The following CYP2F1 variants were observed in gnomAD, a reference collection of about 807,000 sequenced individuals.
The protein encoded by CYP2F1 is cytochrome P450 family 2 subfamily F member 1.
A neutral mutation model predicts 40.4 loss-of-function variants in CYP2F1; 33 were observed. That is an observed-to-expected ratio of 0.82 (90% CI 0.62 to 1.09). CYP2F1 has a LOEUF of 1.09. Ranked by LOEUF, CYP2F1 falls within the 50% of genes least tolerant of loss-of-function variation. The pLI is 0.00. For synonymous variants in CYP2F1, 235 were observed against 277.2 expected (o/e 0.85, Z 1.51); for missense variants, 566 against 655.7 (o/e 0.86, Z 1.49).
At chr19:41,125,701 G>A in intron 9 of CYP2F1, 67 bp downstream of exon 9, 2 of 1,613,950 alleles carry the variant, frequency 1.2e-6, no homozygotes, top group Non-Finnish European at 1.7e-6. Flanking sequence ...AATTCCACTT[G>A]CCAAATCCTC....
chr19:41,127,663 G>A (rs577517958), intron 9 of CYP2F1, among the ~76,000 whole-genome samples: 22 of 152,204 alleles, frequency 1.4e-4, no homozygotes, highest in African/African-American at 4.6e-4. Flanking sequence ...TATCCAGAAC[G>A]TGTGGTTTGT....
Position 41,120,431 on chromosome 19 carries a change from G to C in CYP2F1, c.419G>C (p.Arg140Thr). The change falls in exon 4 of 10, where the codon AGA (arginine) becomes ACA (threonine). Residue 140 changes from arginine to threonine, a missense_variant. Transcript: ENST00000331105. Reference protein sequence around the residue: ...QILRNFGMGKRSIEERILEEG... With the variant: ...QILRNFGMGKTSIEERILEEG... ...CTACGGAATTTCGGGATGGGGAAGAGAAGCATTGAGGAGCGAATCCTAGAG... is the reference window on the plus strand; with the variant it reads ...CTACGGAATTTCGGGATGGGGAAGACAAGCATTGAGGAGCGAATCCTAGAG... The C allele has an allele frequency of 6.2e-7, 1 of 1,614,120 alleles. No individual in the cohort carries two copies. The highest frequency in any genetic ancestry group is 8.5e-7 in the Non-Finnish European group (1 of 1,179,996).
intron 2 of CYP2F1, 26 bp from the exon 3 acceptor site, chr19:41,116,428 CT>C (rs752465443): frequency 1.9e-6 from 3 of 1,607,804 alleles, no homozygotes; most frequent in East Asian, 2.2e-5. Context: ...ACAGGCCCCC[CT>C]GTAACTTCTG....
intron 7 of CYP2F1, among the ~76,000 whole-genome samples, chr19:41,124,382 G>A (rs962351121): frequency 6.8e-6 from 1 of 147,492 alleles, no homozygotes; most frequent in African/African-American, 2.5e-5. Flanking sequence ...TCCTGCCTCA[G>A]CCTCCCAAGC....
Position 41,124,878 on chromosome 19 carries a change from C to T in CYP2F1, c.1124C>T (p.Thr375Met), listed in dbSNP as rs138507242. ...MNLPHRVTRD[T>M]AFRGFLIPKG... Reference sequence around the variant, plus strand: ...TTGCCGCACCGCGTCACTAGGGACACGGCCTTTCGCGGCTTCCTGATACCC... The same window carrying T: ...TTGCCGCACCGCGTCACTAGGGACATGGCCTTTCGCGGCTTCCTGATACCC... The change falls in exon 8 of 10, where the codon ACG (threonine) becomes ATG (methionine). Residue 375 changes from threonine to methionine, a missense_variant. By Grantham distance (81) the Thr-to-Met change is moderately conservative (BLOSUM62 -1). This residue lies in a region of CYP2F1 where 128 missense variants were observed against 121.0 expected (regional missense o/e 1.06). Coordinates refer to ENST00000331105, the MANE Select transcript of CYP2F1 (RefSeq NM_000774.5). 5.1e-4 allele frequency: 823 copies of T among 1,608,002 alleles called. 2 individuals carry two copies. The highest frequency in any genetic ancestry group is 5.5e-4 in the Non-Finnish European group (647 of 1,178,750).
In CYP2F1 at chr19:41,119,742, T is replaced by C. The variant is rs1394772912; in HGVS notation, c.335-605T>C. Among the ~76,000 whole-genome samples, 483 of 71,422 alleles carry C rather than the reference T, an allele frequency of 6.8e-3. 4 individuals carry two copies. Among genetic ancestry groups the C allele is most frequent in the Middle Eastern group, 0.019 (3 of 154 alleles). The allele number at this position is 71,422 out of a possible 152,430, so 46.9% of individuals were successfully genotyped here. ...CTCTCTCTATATATATATATATATA[T>C]ATATATACACACACACACACACACA... On this transcript the variant is annotated intron_variant, in intron 3 of 9. Coordinates refer to ENST00000331105, the MANE Select transcript of CYP2F1 (RefSeq NM_000774.5).
chr19:41,120,366 G>A lies in CYP2F1; in HGVS notation c.354G>A (p.Gly118=), dbSNP rs139705553. ...TKGNGIAFSS[G]DRWKVLRQFS... Reference sequence around the variant, plus strand: ...CCCCAGGCATCGCCTTCTCCAGTGGGGATCGATGGAAGGTCCTGAGACAGT... The same window carrying A: ...CCCCAGGCATCGCCTTCTCCAGTGGAGATCGATGGAAGGTCCTGAGACAGT... The change falls in exon 4 of 10, where the codon GGG becomes GGA. Residue 118 remains glycine (G), a synonymous_variant. Coordinates refer to ENST00000331105, the MANE Select transcript of CYP2F1 (RefSeq NM_000774.5). The A allele has an allele frequency of 3.7e-6, 6 of 1,608,544 alleles. No homozygotes were observed. The highest frequency in any genetic ancestry group is 5.1e-6 in the Non-Finnish European group (6 of 1,178,084).
intron 3 of CYP2F1, among the ~76,000 whole-genome samples, chr19:41,118,032 T>C (rs2031927267): frequency 1.3e-5 from 2 of 151,976 alleles, no homozygotes; most frequent in South Asian, 4.1e-4. Flanking sequence ...GTATTTTTAG[T>C]AGAGACTGGG....
chr19:41,125,539 G>A lies in CYP2F1; in HGVS notation c.1199G>A (p.Ser400Asn). ...CTTAACACCGTCCACTACGACCCCA[G>A]CCAGTTCCTGACGCCCCAGGAGTTC... ...TLLNTVHYDP[S>N]QFLTPQEFNP... is the part of the protein sequence containing the mutation. Residue 400 changes from serine (S) to asparagine (N), a missense_variant, in exon 9 of 10, where the codon AGC becomes AAC. Physicochemically the swap from Ser to Asn is conservative, Grantham distance 46. Transcript: ENST00000331105. The A allele has an allele frequency of 6.3e-7, 1 of 1,598,486 alleles. No individual in the cohort carries two copies.
intron 6 of CYP2F1, among the ~76,000 whole-genome samples, chr19:41,122,595 C>T (rs916698377): frequency 2.0e-5 from 3 of 151,856 alleles, no homozygotes; most frequent in Admixed American, 2.0e-4. Flanking sequence ...ATACATAAAA[C>T]GTATTTTTTA....
In CYP2F1 at chr19:41,120,496, G is replaced by A. The variant is rs2032131304; in HGVS notation, c.484G>A (p.Gly162Ser). 1 of 1,612,060 alleles carries A rather than the reference G, an allele frequency of 6.2e-7. No homozygotes were observed. The highest frequency in any genetic ancestry group is 1.3e-5 in the African/African-American group (1 of 74,786). Residue 162 changes from glycine (G) to serine (S), a missense_variant and splice_region_variant, in exon 4 of 10, where the codon GGC (glycine) becomes AGC (serine). By Grantham distance (56) the Gly-to-Ser change is moderately conservative. Around this residue, in one of 5 missense-constraint regions of CYP2F1, gnomAD observed 264 missense variants for 275.7 expected, o/e 0.96. Transcript: ENST00000331105. The part of the protein sequence containing the change: ...FLLAELRKTE[G>S]EPFDPTFVLS... ...GCTGGCGGAGCTGCGGAAAACTGAA[G>A]GTCAGGAATTTTTTTTAACAGGCTG...
intron 9 of CYP2F1, among the ~76,000 whole-genome samples, chr19:41,127,622 G>T (rs1182583651): frequency 2.0e-5 from 3 of 152,276 alleles, no homozygotes; most frequent in East Asian, 3.9e-4. Flanking sequence ...GCCTAAGCCA[G>T]CACGCCCAGC....
chr19:41,121,131 T>C (rs1265940986), intron 4 of CYP2F1, among the ~76,000 whole-genome samples: 1 of 152,104 alleles, frequency 6.6e-6, no homozygotes, highest in East Asian at 1.9e-4. Context: ...TCTGTTGCCC[T>C]GTGTTGTTGT....
chr19:41,128,241 T>C lies in CYP2F1; in HGVS notation c.*159T>C. The C allele has an allele frequency of 1.5e-6, 1 of 656,606 alleles. No homozygotes were observed. The highest frequency in any genetic ancestry group is 2.5e-6 in the Non-Finnish European group (1 of 399,740). The allele number at this position is 656,606 out of a possible 1,614,324, so 40.7% of individuals were successfully genotyped here. A position where few individuals can be genotyped will look rare whatever the true frequency, so the allele number is the denominator to read the frequency against. On this transcript the variant is annotated 3_prime_UTR_variant, in exon 10 of 10. Transcript: ENST00000331105. ...GCGTGCCCTTCCCCCATCCCTCCAA[T>C]CTGTGCCCCGTCTGCAGGGCAGAGG...
chr19:41,121,647 G>A (rs375089944), intron 5 of CYP2F1, 29 bp downstream of exon 5: 2 of 1,591,960 alleles, frequency 1.3e-6, no homozygotes, highest in East Asian at 2.2e-5. Context: ...GCAGGGGCAG[G>A]GTGTGGGGTC....
chr19:41,116,730 T>A, intron 3 of CYP2F1, 113 bp downstream of exon 3: 1 of 1,206,780 alleles, frequency 8.3e-7, no homozygotes, highest in Non-Finnish European at 1.2e-6. Flanking sequence ...CTGACATCAC[T>A]GATGACACCA....
In CYP2F1 at chr19:41,117,080, C is replaced by T. The variant is rs545230961; in HGVS notation, c.334+463C>T. On this transcript the variant is annotated intron_variant, in intron 3 of 9. Transcript: ENST00000331105. Reference sequence around the variant, plus strand: ...TTCCCATTATGAACCCCATCCCAGTCCCCACTTTAAATTCTATTATCAACC... The same window carrying T: ...TTCCCATTATGAACCCCATCCCAGTTCCCACTTTAAATTCTATTATCAACC... 6.6e-5 allele frequency among the ~76,000 whole-genome samples: 10 copies of T among 152,164 alleles called. No homozygotes were observed. The East Asian group carries it at 1.4e-3, about 21-fold the overall frequency.
At position 41,122,980 on chromosome 19, in the gene CYP2F1, C is replaced by T. The variant is rs1454611728; in HGVS notation, c.964+17C>T. On this transcript the variant is annotated intron_variant, in intron 7 of 9. Coordinates refer to ENST00000331105, the MANE Select transcript of CYP2F1 (RefSeq NM_000774.5). The stretch of plus-strand genomic sequence containing the variant: ...AAGTTCAAGGTGAGGCCCACCCACA[C>T]AGCAGCGTGGAGGTGCCCATGTGTT... 1.2e-6 allele frequency: 2 copies of T among 1,607,790 alleles called. No homozygotes were observed. The highest frequency in any genetic ancestry group is 1.1e-5 in the South Asian group (1 of 90,154).
Position 41,123,294 on chromosome 19 carries a change from C to T in CYP2F1, c.964+331C>T, listed in dbSNP as rs568848561. 4.0e-3 allele frequency: 1,695 copies of T among 424,770 alleles called. 4 individuals carry two copies. Among genetic ancestry groups the T allele is most frequent in the Middle Eastern group, 7.3e-3 (12 of 1,646 alleles). The allele number at this position is 424,770 out of a possible 1,614,324, so 26.3% of individuals were successfully genotyped here. A position where few individuals can be genotyped will look rare whatever the true frequency, so the allele number is the denominator to read the frequency against. ...TCCGCTCACTGCAACCTCCCCCTCC[C>T]GAGTTCAAGGGATTCTCCTGCCTCA... On this transcript the variant is annotated intron_variant, in intron 7 of 9. Transcript: ENST00000331105.
Sources: gnomAD v4.1 joint callset for allele counts (sites outside exome capture counted in the v4.1 genomes callset) on GRCh38, gnomAD v4.1.1 for gene constraint, gnomAD v4.1.1 regional missense constraint, MANE v1.5 for transcripts, NCBI Gene and HGNC (gene_info 2026-07-23, HGNC 2026-07-21) for gene names.